Variants in SBF1 observed in about 807,000 individuals in gnomAD.
SBF1 encodes myotubularin-related protein 5.
A neutral mutation model predicts 215.8 loss-of-function variants in SBF1; 65 were observed. The ratio of observed to expected loss-of-function variants is 0.30; its 90% CI spans 0.25 to 0.37. The LOEUF (loss-of-function observed/expected upper bound fraction) is 0.37. SBF1 is among the 10% of genes least tolerant of loss of function. SBF1 has a pLI of 1.00. For missense variants in SBF1, 2,634 were observed against 2,667.8 expected (o/e 0.99, Z 0.28); for synonymous variants, 1,410 against 1,122.8 (o/e 1.26, Z -5.11).
chr22:50,457,557 T>TGGCCTGGAGAAGAGGC (rs900780053), intron 28 of SBF1, among the ~76,000 whole-genome samples: 4 of 152,082 alleles, frequency 2.6e-5, no homozygotes, highest in Non-Finnish European at 5.9e-5. Flanking sequence ...CCAAGAGGTG[T>TGGCCTGGAGAAGAGGC]GGCCTGGAGA....
intron 1 of SBF1, among the ~76,000 whole-genome samples, chr22:50,470,932 T>C (rs1399998771): frequency 6.6e-6 from 1 of 152,132 alleles, no homozygotes; most frequent in Non-Finnish European, 1.5e-5. Flanking sequence ...GCACCTCAGC[T>C]CTGTGCTGTC....
intron 36 of SBF1, among the ~76,000 whole-genome samples, chr22:50,453,152 T>A (rs916614923): frequency 1.1e-4 from 17 of 152,140 alleles, no homozygotes. Context: ...CTACATTCTG[T>A]GTACAAGAAA....
chr22:50,473,837 CCT>C (rs1429449603), intron 1 of SBF1, among the ~76,000 whole-genome samples: 1 of 152,206 alleles, frequency 6.6e-6, no homozygotes, highest in Non-Finnish European at 1.5e-5. Context: ...CCAGTCCCAG[CCT>C]CTCTGAGCCG....
intron 7 of SBF1, 38 bp downstream of exon 7, chr22:50,466,312 G>A (rs763954057): frequency 6.2e-7 from 1 of 1,607,488 alleles, no homozygotes; most frequent in South Asian, 1.1e-5. Context: ...GGGCAAAGGG[G>A]CCAGGAGAAG....
At chr22:50,447,708 T>TC in intron 38 of SBF1, 99 bp from the exon 39 acceptor site, 1 of 844,986 alleles carries the variant, frequency 1.2e-6, no homozygotes, top group Admixed American at 2.1e-5. Context: ...GCCCAGGAGG[T>TC]AAGACCAGGC....
chr22:50,454,336 C>T (rs1420201196), intron 36 of SBF1, among the ~76,000 whole-genome samples, 176 bp downstream of exon 36: 1 of 152,144 alleles, frequency 6.6e-6, no homozygotes, highest in East Asian at 1.9e-4. Flanking sequence ...TGGGGAGCCA[C>T]AGCCACCCCA....
At chr22:50,474,736 A>C in intron 1 of SBF1, 50 bp downstream of exon 1, 2 of 1,407,804 alleles carry the variant, frequency 1.4e-6, no homozygotes, top group Non-Finnish European at 1.9e-6. Context: ...CCTGGCCCTC[A>C]GCACTCGACC....
chr22:50,455,558 C>A lies in SBF1; in HGVS notation c.4291G>T (p.Val1431Leu), dbSNP rs1472808905. 2 of 1,587,626 alleles carry A rather than the reference C, an allele frequency of 1.3e-6. No individual in the cohort carries two copies. The highest frequency in any genetic ancestry group is 2.7e-5 in the African/African-American group (2 of 74,244). Residue 1431 changes from valine (V) to leucine (L), a missense_variant, in exon 32 of 41, where the codon GTG (valine) becomes TTG (leucine). Transcript: ENST00000380817. Reference protein sequence around the residue: ...IQIHKLLQVSVLVVELLDSGS... With the variant: ...IQIHKLLQVSLLVVELLDSGS... ...GAATCCAGGAGCTCCACCACCAGCA[C>A]AGACACCTGCAGCAGCTTGTGGATC...
In SBF1 at chr22:50,460,048, C is replaced by A; in HGVS notation, c.3395G>T (p.Arg1132Leu). The A allele has an allele frequency of 6.2e-7, 1 of 1,613,976 alleles. No individual in the cohort carries two copies. The highest frequency in any genetic ancestry group is 8.5e-7 in the Non-Finnish European group (1 of 1,179,978). Reference protein sequence around the residue: ...VERACCRDYQRLGLGTLSSSL... With the variant: ...VERACCRDYQLLGLGTLSSSL... Reference sequence around the variant, plus strand: ...GCTGCTCAGGGTGCCCAGACCGAGGCGCTGGTAGTCGCGACAGCAAGCCCT... The same window carrying A: ...GCTGCTCAGGGTGCCCAGACCGAGGAGCTGGTAGTCGCGACAGCAAGCCCT... The change falls in exon 26 of 41, where the codon CGC (arginine) becomes CTC (leucine). Residue 1132 changes from arginine (R) to leucine (L), a missense_variant. Transcript: ENST00000380817.
chr22:50,450,245 C>T (rs551103952), intron 36 of SBF1, among the ~76,000 whole-genome samples: 3 of 152,286 alleles, frequency 2.0e-5, no homozygotes, highest in African/African-American at 7.2e-5. Flanking sequence ...CTGACGCCGG[C>T]AGCAGTGGCT....
At position 50,467,604 on chromosome 22, in the gene SBF1, G is replaced by A. The variant is rs1429645532; in HGVS notation, c.366C>T (p.Ala122=). 6.2e-7 allele frequency: 1 copy of A among 1,614,128 alleles called. No individual in the cohort carries two copies. Among genetic ancestry groups the A allele is most frequent in the Middle Eastern group, 1.6e-4 (1 of 6,062 alleles). The change falls in exon 4 of 41, where the codon GCC becomes GCT. Residue 122 remains alanine, a synonymous_variant. Transcript: ENST00000380817. ...TCGGTGCAAACAGCTGGGCAGATGG[G>A]GCAGGTGCTGTGGGAGACAGGTGGG... The part of the protein sequence containing the change: ...GQTHLSPTAP[A]PSAQLFAPKT...
Position 50,462,895 on chromosome 22 carries a change from A to T in SBF1, c.1943T>A (p.Leu648Gln). Residue 648 changes from leucine to glutamine, a missense_variant, in exon 17 of 41, where the codon CTG becomes CAG. Physicochemically the swap from Leu to Gln is moderately radical, Grantham distance 113. Coordinates refer to ENST00000380817, the MANE Select transcript of SBF1 (RefSeq NM_002972.4). ...CCGGCAGAAGGCTGTGACCAGAGGC[A>T]GCAGAGCCGCCGCAATGCCATGCTC... The part of the protein sequence containing the change: ...LDEHGIAAAL[L>Q]PLVTAFCRKL... The T allele has an allele frequency of 6.2e-7, 1 of 1,612,968 alleles. No individual in the cohort carries two copies.
In SBF1 at chr22:50,463,379, G is replaced by C; in HGVS notation, c.1803C>G (p.Leu601=). The change falls in exon 16 of 41, where the codon CTC becomes CTG. Residue 601 remains leucine, a synonymous_variant. Transcript: ENST00000380817. ...GCACATGCAGGTGCAGCTCCTGGGCGAGGCAGCGGCGGGCAGCTCGCCCCT... is the reference window on the plus strand; with the variant it reads ...GCACATGCAGGTGCAGCTCCTGGGCCAGGCAGCGGCGGGCAGCTCGCCCCT... ...ALKGRAARRC[L]AQELHLHVQQ... is the part of the protein sequence containing the mutation. 2 of 1,603,926 alleles carry C rather than the reference G, an allele frequency of 1.2e-6. No individual in the cohort carries two copies. The highest frequency in any genetic ancestry group is 1.7e-6 in the Non-Finnish European group (2 of 1,174,800).
At position 50,461,529 on chromosome 22, in the gene SBF1, G is replaced by A. The variant is rs757639561; in HGVS notation, c.2833C>T (p.Pro945Ser). 6.3e-7 allele frequency: 1 copy of A among 1,597,840 alleles called. No individual in the cohort carries two copies. The highest frequency in any genetic ancestry group is 1.1e-5 in the South Asian group (1 of 90,650). ...AGAGAGTCTGCAGGCTCACCCAGGGGGTCCGTGGGCATCCCCGTGAAGATG... is the reference window on the plus strand; with the variant it reads ...AGAGAGTCTGCAGGCTCACCCAGGGAGTCCGTGGGCATCCCCGTGAAGATG... Reference protein sequence around the residue: ...RVIFTGMPTDPLVGEQVVVRS... With the variant: ...RVIFTGMPTDSLVGEQVVVRS... Residue 945 changes from proline (P) to serine (S), a missense_variant, in exon 22 of 41, where the codon CCC (proline) becomes TCC (serine). Physicochemically the swap from Pro to Ser is moderately conservative, Grantham distance 74 (BLOSUM62 -1). Coordinates refer to ENST00000380817, the MANE Select transcript of SBF1 (RefSeq NM_002972.4).
chr22:50,465,267 C>G lies in SBF1; in HGVS notation c.1151G>C (p.Trp384Ser). Residue 384 changes from tryptophan (W) to serine (S), a missense_variant, in exon 11 of 41, where the codon TGG becomes TCG. Transcript: ENST00000380817. ...GTGGATGCGCACGACGTGCAGGCACCAGCGATAGCCCTGCAGCAGCTGAGC... is the reference window on the plus strand; with the variant it reads ...GTGGATGCGCACGACGTGCAGGCACGAGCGATAGCCCTGCAGCAGCTGAGC... ...LFAQLLQGYR[W>S]CLHVVRIHPE... The G allele has an allele frequency of 6.2e-7, 1 of 1,611,086 alleles. No individual in the cohort carries two copies. The highest frequency in any genetic ancestry group is 2.2e-5 in the East Asian group (1 of 44,732).
At position 50,462,933 on chromosome 22, in the gene SBF1, G is replaced by A. The variant is rs758473187; in HGVS notation, c.1905C>T (p.Cys635=). ...VRMMNCCLQD[C]TSLDEHGIAA... ...CAATGCCATGCTCGTCCAGAGAAGT[G>A]CAGTCCTGCAGGTAGAGCGAGAGAC... Residue 635 remains cysteine (C), a synonymous_variant, in exon 17 of 41, where the codon TGC becomes TGT. Coordinates refer to ENST00000380817, the MANE Select transcript of SBF1 (RefSeq NM_002972.4). 1.1e-5 allele frequency: 17 copies of A among 1,612,656 alleles called. No homozygotes were observed. The Admixed American group carries it at 1.5e-4, about 14-fold the overall frequency.
intron 11 of SBF1, 41 bp downstream of exon 11, chr22:50,465,174 C>T (rs933960469): frequency 4.3e-6 from 7 of 1,613,486 alleles, no homozygotes; most frequent in East Asian, 4.5e-5. Flanking sequence ...CTCCACCATG[C>T]GCTTATCTCC....
At chr22:50,453,816 G>C in intron 36 of SBF1, among the ~76,000 whole-genome samples, 1 of 152,110 alleles carries the variant, frequency 6.6e-6, no homozygotes, top group East Asian at 1.9e-4. Flanking sequence ...AACCTCTAAG[G>C]CCACACAGCC....
Position 50,466,163 on chromosome 22 carries a change from T to C in SBF1, c.884A>G (p.Glu295Gly). 6.2e-7 allele frequency: 1 copy of C among 1,613,618 alleles called. No homozygotes were observed. Among genetic ancestry groups the C allele is most frequent in the Non-Finnish European group, 8.5e-7 (1 of 1,180,030 alleles). The part of the protein sequence containing the change: ...IIGVNAAFQA[E>G]TQELLDVIVA... ...CACAGCCCTTACCAGCTCCTGGGTC[T>C]CTGCCTGGAAGGCCGCGTTGACCCC... Residue 295 changes from glutamate to glycine, a missense_variant, in exon 8 of 41, where the codon GAG becomes GGG. Glu to Gly is a moderately conservative substitution (Grantham distance 98). Transcript: ENST00000380817.
Sources: allele counts gnomAD v4.1 joint callset (sites outside exome capture counted in the v4.1 genomes callset), GRCh38; gene constraint gnomAD v4.1.1; transcripts MANE v1.5; gene names NCBI Gene and HGNC (gene_info 2026-07-23, HGNC 2026-07-21).